SEC11A: variants seen among roughly 807,000 people sequenced by gnomAD.
The protein encoded by SEC11A is signal peptidase complex catalytic subunit SEC11A.
In SEC11A, 14 loss-of-function variants were observed where a neutral mutation model predicts 25.6. That is an observed-to-expected ratio of 0.55 (90% CI 0.36 to 0.85). The LOEUF is 0.85. Ranked by LOEUF, SEC11A falls within the 40% of genes least tolerant of loss-of-function variation. The pLI, the probability that SEC11A is intolerant of heterozygous loss-of-function variation, is 0.01. For synonymous variants in SEC11A, 83 were observed against 76.4 expected, an observed-to-expected ratio of 1.09 and a Z score of -0.45; for missense variants, 153 against 222.9, an observed-to-expected ratio of 0.69 and a Z score of 2.00.
intron 3 of SEC11A, 57 bp downstream of exon 3, chr15:84,687,568 A>G: frequency 7.0e-7 from 1 of 1,421,234 alleles, no homozygotes; most frequent in African/African-American, 1.5e-5. Context: ...AAAACTAAAT[A>G]CCACAAACAC....
At chr15:84,708,086 C>T (rs1949661949) in intron 1 of SEC11A, among the ~76,000 whole-genome samples, 1 of 151,138 alleles carries the variant, frequency 6.6e-6, no homozygotes, top group African/African-American at 2.4e-5. Context: ...TGGCACACGC[C>T]TGTAATCCCA....
intron 1 of SEC11A, among the ~76,000 whole-genome samples, chr15:84,711,926 G>A (rs1454503879): frequency 6.6e-6 from 1 of 151,988 alleles, no homozygotes; most frequent in East Asian, 1.9e-4. Flanking sequence ...AATACAAGCA[G>A]CACTGTTAAA....
intron 1 of SEC11A, among the ~76,000 whole-genome samples, chr15:84,697,217 G>A (rs1359283664): frequency 6.6e-6 from 1 of 152,074 alleles, no homozygotes; most frequent in East Asian, 1.9e-4. Flanking sequence ...AGCTGTGACA[G>A]CACCACTGCA....
chr15:84,704,905 T>G (rs1898050119), intron 1 of SEC11A, among the ~76,000 whole-genome samples: 1 of 142,716 alleles, frequency 7.0e-6, no homozygotes, highest in Non-Finnish European at 1.5e-5. Context: ...TTTCTGCATA[T>G]GCTACTTCTG....
At chr15:84,683,350 A>G (rs1013789418) in intron 3 of SEC11A, among the ~76,000 whole-genome samples, 1 of 152,142 alleles carries the variant, frequency 6.6e-6, no homozygotes, top group Admixed American at 6.6e-5. Flanking sequence ...TGCTAGAGAG[A>G]TCTGGACTAT....
At chr15:84,691,869 A>C in intron 1 of SEC11A, 1 of 379,066 alleles carries the variant, frequency 2.6e-6, no homozygotes, top group Non-Finnish European at 4.7e-6. Context: ...AACATCAGTT[A>C]CATTTATATA....
At chr15:84,670,972 A>C (rs1043022685) in intron 4 of SEC11A, 190 bp from the exon 5 acceptor site, 1 of 434,540 alleles carries the variant, frequency 2.3e-6, no homozygotes, top group African/African-American at 2.1e-5. Flanking sequence ...ACCATTTTAG[A>C]GATGAGGAAA....
intron 4 of SEC11A, among the ~76,000 whole-genome samples, chr15:84,674,529 C>G (rs1897084137): frequency 6.6e-6 from 1 of 151,952 alleles, no homozygotes; most frequent in Non-Finnish European, 1.5e-5. Flanking sequence ...AATCACATAG[C>G]CTGCTTGTGA....
intron 3 of SEC11A, 45 bp downstream of exon 3, chr15:84,687,580 T>A: frequency 6.7e-7 from 1 of 1,486,890 alleles, no homozygotes; most frequent in Non-Finnish European, 8.9e-7. Context: ...CACAAACACT[T>A]AAACAAAAGC....
Position 84,669,778 on chromosome 15 carries a change from G to A in SEC11A, c.*241C>T, listed in dbSNP as rs16974489. ...AAAATTCACTGATGTACAAAAATTT[G>A]AAAGTGTGACAATGACAATTATGAA... On this transcript the variant is annotated 3_prime_UTR_variant, in exon 6 of 6. Coordinates refer to ENST00000268220, the MANE Select transcript of SEC11A (RefSeq NM_014300.4). 4.0e-6 allele frequency: 2 copies of A among 497,942 alleles called. No homozygotes were observed. The highest frequency in any genetic ancestry group is 7.5e-5 in the South Asian group (2 of 26,750). 30.8% of individuals were successfully genotyped at this position (497,942 alleles called of 1,614,324 possible). A position where few individuals can be genotyped will look rare whatever the true frequency, so the allele number is the denominator to read the frequency against.
chr15:84,680,753 G>A lies in SEC11A; in HGVS notation c.391C>T (p.His131Tyr), dbSNP rs940430386. 1.2e-6 allele frequency: 2 copies of A among 1,612,868 alleles called. No individual in the cohort carries two copies. Among genetic ancestry groups the A allele is most frequent in the Non-Finnish European group, 1.7e-6 (2 of 1,179,122 alleles). Residue 131 changes from histidine to tyrosine, a missense_variant, in exon 4 of 6, where the codon CAT (histidine) becomes TAT (tyrosine). Coordinates refer to ENST00000268220, the MANE Select transcript of SEC11A (RefSeq NM_014300.4). The part of the protein sequence containing the change: ...DDRGLYKQGQ[H>Y]WLEKKDVVGR... Reference sequence around the variant, plus strand: ...ACAACATCTTTTTTCTCTAGCCAATGTTGTCCTTGTTTATAGAGGCCTCGG... The same window carrying A: ...ACAACATCTTTTTTCTCTAGCCAATATTGTCCTTGTTTATAGAGGCCTCGG...
intron 4 of SEC11A, among the ~76,000 whole-genome samples, chr15:84,677,305 G>A (rs911375229): frequency 5.9e-5 from 9 of 151,778 alleles, no homozygotes; most frequent in East Asian, 1.9e-4. Flanking sequence ...TTAAGATTCT[G>A]TGCTTCTGCT....
chr15:84,710,984 C>T (rs931765164), intron 1 of SEC11A, among the ~76,000 whole-genome samples: 3 of 151,510 alleles, frequency 2.0e-5, no homozygotes, highest in African/African-American at 4.9e-5. Context: ...GCAGGAGAAT[C>T]GCTTGAACCC....
chr15:84,670,907 T>A, intron 4 of SEC11A, 125 bp from the exon 5 acceptor site: 1 of 492,832 alleles, frequency 2.0e-6, no homozygotes, highest in Admixed American at 4.1e-5. Flanking sequence ...CATTTCTATA[T>A]ACTGCCCTAT....
chr15:84,699,316 C>CAAA (rs35351608), intron 1 of SEC11A, among the ~76,000 whole-genome samples: 1 of 89,070 alleles, frequency 1.1e-5, no homozygotes. Context: ...CTCTTGTCTC[C>CAAA]AAAAAAAAAA....
chr15:84,692,959 C>T (rs1247943104), intron 1 of SEC11A, among the ~76,000 whole-genome samples: 2 of 152,178 alleles, frequency 1.3e-5, no homozygotes, highest in Non-Finnish European at 2.9e-5. Context: ...AATCCTCCCA[C>T]TTCAGCCTCC....
chr15:84,674,138 G>T (rs999604420), intron 4 of SEC11A, among the ~76,000 whole-genome samples: 5 of 151,724 alleles, frequency 3.3e-5, no homozygotes, highest in Admixed American at 1.3e-4. Flanking sequence ...ATCTCCAAGA[G>T]CTGAAAAGTA....
chr15:84,714,368 G>A (rs34900908), intron 1 of SEC11A, among the ~76,000 whole-genome samples: 30,614 of 152,062 alleles, frequency 0.2, 3,884 homozygotes, highest in Middle Eastern at 0.36. Flanking sequence ...ATCGACCACA[G>A]TACAGCCAAT....
In SEC11A at chr15:84,710,197, TAAG is replaced by T. The variant is rs565719031; in HGVS notation, c.51+5825_51+5827del. 1.3e-4 allele frequency among the ~76,000 whole-genome samples: 20 copies of T among 152,348 alleles called. No homozygotes were observed. In the South Asian group the frequency reaches 4.1e-3, roughly 32 times the overall value. On this transcript the variant is annotated intron_variant, in intron 1 of 5. Coordinates refer to ENST00000268220, the MANE Select transcript of SEC11A (RefSeq NM_014300.4). ...AGTGCTGAAACATTTTAAGAGAACT[TAAG>T]AAGTCTCAGATCTATAAAAATTATA... is the stretch of plus-strand genomic sequence containing the variant.
Sources: gnomAD v4.1 joint callset for allele counts (sites outside exome capture counted in the v4.1 genomes callset) on GRCh38, gnomAD v4.1.1 for gene constraint, MANE v1.5 for transcripts, NCBI Gene and HGNC (gene_info 2026-07-23, HGNC 2026-07-21) for gene names.